Variants in PEAK1 observed in about 807,000 individuals in gnomAD.
The protein encoded by PEAK1 is pseudopodium enriched atypical kinase 1.
PEAK1 carries 54 observed loss-of-function variants against 124.7 expected under a neutral mutation model. The observed-to-expected ratio is 0.43, with a 90% CI of 0.35 to 0.54. The LOEUF is 0.54. Ranked by LOEUF, PEAK1 falls within the 20% of genes least tolerant of loss-of-function variation. The pLI, the probability that PEAK1 is intolerant of heterozygous loss-of-function variation, is 0.01. For missense variants in PEAK1, 2,046 were observed against 2,134.5 expected (o/e 0.96, Z 0.82); for synonymous variants, 719 against 760.0 (o/e 0.95, Z 0.89).
chr15:77,132,938 G>C (rs1358621373), intron 9 of PEAK1, 67 bp downstream of exon 9: 2 of 1,457,048 alleles, frequency 1.4e-6, no homozygotes, highest in African/African-American at 2.8e-5. Flanking sequence ...GAGAAAAGCA[G>C]AATGAATCCA....
intron 1 of PEAK1, among the ~76,000 whole-genome samples, chr15:77,377,456 CTTTT>C (rs879298852): frequency 7.0e-6 from 1 of 143,410 alleles, no homozygotes. Context: ...TATATATACT[CTTTT>C]TTTTTTTTTT....
At chr15:77,261,687 A>C (rs2061449618) in intron 5 of PEAK1, among the ~76,000 whole-genome samples, 1 of 152,258 alleles carries the variant, frequency 6.6e-6, no homozygotes. Context: ...AACACTCTGC[A>C]GGATATTATC....
At position 77,115,334 on chromosome 15, in the gene PEAK1, A is replaced by G; in HGVS notation, c.4078-15T>C. The G allele has an allele frequency of 1.9e-6, 3 of 1,596,396 alleles. No homozygotes were observed. Among genetic ancestry groups the G allele is most frequent in the Non-Finnish European group, 2.6e-6 (3 of 1,166,650 alleles). On this transcript the variant is annotated splice_polypyrimidine_tract_variant and intron_variant, in intron 9 of 9. Transcript: ENST00000682557. ...CTCTTACAGATCTGAAAGATAATAA[A>G]ACAATTCAAAACTCACACTCTCATA... is the stretch of plus-strand genomic sequence containing the variant.
At chr15:77,306,451 A>T (rs1309164996) in intron 2 of PEAK1, among the ~76,000 whole-genome samples, 1 of 152,196 alleles carries the variant, frequency 6.6e-6, no homozygotes, top group African/African-American at 2.4e-5. Flanking sequence ...AAAGGCTGAT[A>T]GATGCAGGAT....
chr15:77,189,762 T>C (rs981553315), intron 6 of PEAK1, among the ~76,000 whole-genome samples: 5 of 152,314 alleles, frequency 3.3e-5, no homozygotes, highest in Middle Eastern at 3.4e-3. Flanking sequence ...GAGAGTGAGT[T>C]GGTGAGATGT....
chr15:77,115,187 G>A lies in PEAK1; in HGVS notation c.4210C>T (p.Pro1404Ser), dbSNP rs1206972001. 6 of 1,614,172 alleles carry A rather than the reference G, an allele frequency of 3.7e-6. No homozygotes were observed. Among genetic ancestry groups the A allele is most frequent in the South Asian group, 3.3e-5 (3 of 91,082 alleles). Residue 1404 changes from proline to serine, a missense_variant, in exon 10 of 10, where the codon CCC becomes TCC. Physicochemically the swap from Pro to Ser is moderately conservative, Grantham distance 74. Coordinates refer to ENST00000682557, the MANE Select transcript of PEAK1 (RefSeq NM_001385026.1). The part of the protein sequence containing the change: ...FLAEVPNRLL[P>S]WEDPDDPEKD... ...TCAGGGTCATCTGGATCCTCCCAGG[G>A]AAGCAGACGGTTAGGGACTTCAGCA...
intron 6 of PEAK1, among the ~76,000 whole-genome samples, chr15:77,194,197 A>C (rs900058889): frequency 1.3e-5 from 2 of 152,144 alleles, no homozygotes; most frequent in African/African-American, 4.8e-5. Context: ...GTCAGGTTTT[A>C]TCTTTCCTAA....
chr15:77,388,650 T>C (rs932151209), intron 1 of PEAK1, among the ~76,000 whole-genome samples: 5 of 152,204 alleles, frequency 3.3e-5, no homozygotes, highest in Non-Finnish European at 5.9e-5. Context: ...ACTTAGAACA[T>C]ATATCTTCAA....
In PEAK1 at chr15:77,133,649, G is replaced by A. The variant is rs1157609589; in HGVS notation, c.3433C>T (p.Pro1145Ser). 6.2e-7 allele frequency: 1 copy of A among 1,614,120 alleles called. No individual in the cohort carries two copies. Among genetic ancestry groups the A allele is most frequent in the Admixed American group, 1.7e-5 (1 of 60,008 alleles). Residue 1145 changes from proline to serine, a missense_variant, in exon 9 of 10, where the codon CCC becomes TCC. Coordinates refer to ENST00000682557, the MANE Select transcript of PEAK1 (RefSeq NM_001385026.1). This position sits in a 1 kb window ranked among gnomAD's most constrained non-coding sequence, Gnocchi z 4.2. ...AFGGKTDQEAPNASQPTPPPL... is the reference protein window; with the variant it reads ...AFGGKTDQEASNASQPTPPPL... Reference sequence around the variant, plus strand: ...GGTGGTGTAGGTTGGGAAGCATTGGGTGCTTCTTGGTCTGTTTTCCCTCCA... The same window carrying A: ...GGTGGTGTAGGTTGGGAAGCATTGGATGCTTCTTGGTCTGTTTTCCCTCCA...
In PEAK1 at chr15:77,365,168, G is replaced by T. The variant is rs2068138293; in HGVS notation, c.-608C>A. 1.0e-6 allele frequency: 1 copy of T among 967,474 alleles called. No homozygotes were observed. Among genetic ancestry groups the T allele is most frequent in the Non-Finnish European group, 1.2e-6 (1 of 813,812 alleles). The allele number at this position is 967,474 out of a possible 1,614,324, so 59.9% of individuals were successfully genotyped here. A position where few individuals can be genotyped will look rare whatever the true frequency, so the allele number is the denominator to read the frequency against. Reference sequence around the variant, plus strand: ...GAATTCATAAATTATCTCACCTTTGGTTTTTAGATAAACCACAAAGAAATG... The same window carrying T: ...GAATTCATAAATTATCTCACCTTTGTTTTTTAGATAAACCACAAAGAAATG... On this transcript the variant is annotated 5_prime_UTR_variant, in exon 2 of 10. Transcript: ENST00000682557.
intron 6 of PEAK1, among the ~76,000 whole-genome samples, chr15:77,221,710 A>T (rs2059399826): frequency 1.3e-5 from 2 of 152,158 alleles, no homozygotes; most frequent in Admixed American, 1.3e-4. Flanking sequence ...AAGGAATTTA[A>T]AAACCATTAT....
chr15:77,262,497 C>G (rs1001990152), intron 5 of PEAK1, among the ~76,000 whole-genome samples: 1 of 151,148 alleles, frequency 6.6e-6, no homozygotes, highest in Non-Finnish European at 1.5e-5. Flanking sequence ...CAATAAAGAT[C>G]AAAAGAGACA....
In PEAK1 at chr15:77,112,434, G is replaced by A. The variant is rs1443415696; in HGVS notation, c.*1722C>T. ...GAAACTCTGCACTGGTAGATGAGGG[G>A]CCTCAGGGCTCACTCACTCACTAGG... On this transcript the variant is annotated 3_prime_UTR_variant, in exon 10 of 10. Transcript: ENST00000682557. 6.6e-6 allele frequency: 1 copy of A among 152,152 alleles called. No homozygotes were observed. Among genetic ancestry groups the A allele is most frequent in the Non-Finnish European group, 1.5e-5 (1 of 68,036 alleles). 9.4% of individuals were successfully genotyped at this position (152,152 alleles called of 1,614,324 possible).
chr15:77,339,335 C>G (rs1477426047), intron 2 of PEAK1, among the ~76,000 whole-genome samples: 2 of 151,976 alleles, frequency 1.3e-5, no homozygotes, highest in Non-Finnish European at 2.9e-5. Context: ...AGCTCCTGGG[C>G]TCAAGCAATC....
At chr15:77,201,319 G>C (rs987503921) in intron 6 of PEAK1, among the ~76,000 whole-genome samples, 2 of 137,478 alleles carry the variant, frequency 1.5e-5, no homozygotes, top group Non-Finnish European at 3.0e-5. Flanking sequence ...CTCACTGCAA[G>C]CTCCACCTCC....
chr15:77,129,114 G>A (rs1473279755), intron 9 of PEAK1, among the ~76,000 whole-genome samples: 1 of 152,166 alleles, frequency 6.6e-6, no homozygotes, highest in Non-Finnish European at 1.5e-5. Flanking sequence ...AGATACCAGT[G>A]CATAGCCTCT....
Position 77,113,018 on chromosome 15 carries a change from C to T in PEAK1, c.*1138G>A, listed in dbSNP as rs2278698. On this transcript the variant is annotated 3_prime_UTR_variant, in exon 10 of 10. Coordinates refer to ENST00000682557, the MANE Select transcript of PEAK1 (RefSeq NM_001385026.1). ...GGCAGTCTCTCTAGAAGAGGTCAAC[C>T]TTCTGAGGAGGTCAGCAGTCTCATC... The T allele has an allele frequency of 6.6e-6, 1 of 152,240 alleles. No individual in the cohort carries two copies. The highest frequency in any genetic ancestry group is 6.5e-5 in the Admixed American group (1 of 15,292). 9.4% of individuals were successfully genotyped at this position (152,240 alleles called of 1,614,324 possible).
At chr15:77,136,447 CTTGAGGTCAGGAGT>C (rs968437912) in intron 8 of PEAK1, among the ~76,000 whole-genome samples, 2 of 152,062 alleles carry the variant, frequency 1.3e-5, no homozygotes, top group African/African-American at 4.8e-5. Flanking sequence ...AGGTGGATCA[CTTGAGGTCAGGAGT>C]TTGAGACCAG....
At chr15:77,118,030 T>TA (rs2051552908) in intron 9 of PEAK1, among the ~76,000 whole-genome samples, 1 of 152,228 alleles carries the variant, frequency 6.6e-6, no homozygotes, top group African/African-American at 2.4e-5. Context: ...GAAGAAATGA[T>TA]AAATTGTTTC....
Sources: gnomAD v4.1 joint callset for allele counts (sites outside exome capture counted in the v4.1 genomes callset) on GRCh38, gnomAD v4.1.1 for gene constraint, Gnocchi (gnomAD v3.1) non-coding constraint, MANE v1.5 for transcripts, NCBI Gene and HGNC (gene_info 2026-07-23, HGNC 2026-07-21) for gene names.